Variants in IREB2 observed in about 807,000 individuals in gnomAD.
IREB2 encodes the protein iron-responsive element-binding protein 2.
IREB2 carries 39 observed loss-of-function variants against 118.8 expected under a neutral mutation model. That is an observed-to-expected ratio of 0.33 (90% confidence interval 0.25 to 0.43). IREB2 has a LOEUF of 0.43. Among genes scored for constraint, IREB2 ranks in the 20% least tolerant of loss-of-function variants. IREB2 has a pLI of 1.00. For synonymous variants in IREB2, 372 were observed against 392.2 expected, an observed-to-expected ratio of 0.95 and a Z score of 0.61; for missense variants, 900 against 1,147.3, an observed-to-expected ratio of 0.78 and a Z score of 3.11.
At chr15:78,438,011 G>A (rs977891750), upstream of IREB2, among the ~76,000 whole-genome samples, 3 of 152,228 alleles carry the variant, frequency 2.0e-5, no homozygotes, top group African/African-American at 7.2e-5. Context: ...GGCCAAACTA[G>A]CCACGCCAAC....
intron 5 of IREB2, among the ~76,000 whole-genome samples, chr15:78,469,580 G>A (rs1024176011): frequency 2.0e-5 from 3 of 151,984 alleles, no homozygotes; most frequent in Non-Finnish European, 4.4e-5. Flanking sequence ...AAAATTAGCC[G>A]GGTGTGGTGG....
At position 78,463,159 on chromosome 15, in the gene IREB2, G is replaced by A. The variant is rs866411883; in HGVS notation, c.272+72G>A. 9.2e-6 allele frequency: 12 copies of A among 1,309,064 alleles called. No homozygotes were observed. The Middle Eastern group carries it at 1.7e-3, about 190-fold the overall frequency. The allele number at this position is 1,309,064 out of a possible 1,614,324, so 81.1% of individuals were successfully genotyped here. ...TCCTTTTTAAAATACAGACTCTTGG[G>A]TAGGTGTGGTTGTTCATACCTCTAA... On this transcript the variant is annotated intron_variant, in intron 3 of 21. Coordinates refer to ENST00000258886, the MANE Select transcript of IREB2 (RefSeq NM_004136.4).
At chr15:78,486,013 T>C (rs1410647647) in intron 13 of IREB2, among the ~76,000 whole-genome samples, 173 bp downstream of exon 13, 4 of 152,214 alleles carry the variant, frequency 2.6e-5, no homozygotes, top group Admixed American at 6.5e-5. Context: ...GAAACACTTA[T>C]TGGGCATATC....
rs143224577 is a variant in IREB2, at chr15:78,452,992, T to C, written c.107-9930T>C. On this transcript the variant is annotated intron_variant, in intron 2 of 21. Transcript: ENST00000258886. ...CAGGTAACACCTGCACACACAGGTG[T>C]TGTGTTACTTACAGAAAAGGAACTG... is the stretch of plus-strand genomic sequence containing the variant. 3.9e-5 allele frequency among the ~76,000 whole-genome samples: 6 copies of C among 152,316 alleles called. No individual in the cohort carries two copies. The East Asian group carries it at 1.2e-3, about 29-fold the overall frequency.
At chr15:78,453,138 T>C (rs1317881681) in intron 2 of IREB2, among the ~76,000 whole-genome samples, 1 of 152,202 alleles carries the variant, frequency 6.6e-6, no homozygotes, top group African/African-American at 2.4e-5. Flanking sequence ...GAAAAAATAG[T>C]CTGGAACAAA....
chr15:78,465,294 G>A lies in IREB2; in HGVS notation c.316G>A (p.Val106Met). 1 of 1,613,056 alleles carries A rather than the reference G, an allele frequency of 6.2e-7. No homozygotes were observed. Among genetic ancestry groups the A allele is most frequent in the South Asian group, 1.1e-5 (1 of 90,872 alleles). ...GGATTTTGCTGCTATGAGGGAGGCA[G>A]TGAAAACTCTTGGAGGTGATCCTGA... ...MVDFAAMREAVKTLGGDPEKV... is the reference protein window; with the variant it reads ...MVDFAAMREAMKTLGGDPEKV... The change falls in exon 4 of 22, where the codon GTG (valine) becomes ATG (methionine). Residue 106 changes from valine to methionine, a missense_variant. Coordinates refer to ENST00000258886, the MANE Select transcript of IREB2 (RefSeq NM_004136.4).
intron 10 of IREB2, among the ~76,000 whole-genome samples, chr15:78,481,522 A>ATAT (rs2051571286): frequency 7.2e-6 from 1 of 137,988 alleles, no homozygotes; most frequent in Non-Finnish European, 1.5e-5. Context: ...CACCTCGCTA[A>ATAT]TTTTTTTTTT....
chr15:78,497,205 A>C lies in IREB2; in HGVS notation c.2675A>C (p.Gln892Pro). The C allele has an allele frequency of 6.2e-7, 1 of 1,613,884 alleles. No individual in the cohort carries two copies. The highest frequency in any genetic ancestry group is 8.5e-7 in the Non-Finnish European group (1 of 1,179,744). ...HLIGIGIAPL[Q>P]FLPGENADSL... ...ATTGGAATTGGCATAGCTCCACTTC[A>C]GTTCCTTCCAGGAGAAAATGCAGAT... Residue 892 changes from glutamine to proline, a missense_variant, in exon 21 of 22, where the codon CAG becomes CCG. Gln to Pro is a moderately conservative substitution (Grantham distance 76, BLOSUM62 -1). Coordinates refer to ENST00000258886, the MANE Select transcript of IREB2 (RefSeq NM_004136.4).
chr15:78,446,319 A>G (rs1054577880), intron 2 of IREB2, among the ~76,000 whole-genome samples: 24 of 152,294 alleles, frequency 1.6e-4, no homozygotes, highest in African/African-American at 5.1e-4. Context: ...CCATGTGCTC[A>G]CCAACCCTCC....
Position 78,498,954 on chromosome 15 carries a change from TC to T in IREB2, c.*813del. On this transcript the variant is annotated 3_prime_UTR_variant, in exon 22 of 22. Transcript: ENST00000258886. ...GCTCACCTTATGTAATACTGTAACT[TC>T]CTATAACCTAATATTTTCGGTATCA... 6.6e-6 allele frequency: 1 copy of T among 152,346 alleles called. No individual in the cohort carries two copies. The highest frequency in any genetic ancestry group is 1.5e-5 in the Non-Finnish European group (1 of 68,042). 9.4% of individuals were successfully genotyped at this position (152,346 alleles called of 1,614,324 possible).
intron 8 of IREB2, chr15:78,475,024 C>T (rs970559823): frequency 1.4e-5 from 2 of 144,628 alleles, no homozygotes; most frequent in East Asian, 2.0e-4. Flanking sequence ...CACTGCAGTC[C>T]GCAGTCCGGC....
chr15:78,442,836 G>A (rs1355293146), intron 2 of IREB2, among the ~76,000 whole-genome samples: 1 of 152,182 alleles, frequency 6.6e-6, no homozygotes, highest in Non-Finnish European at 1.5e-5. Flanking sequence ...GAAATAAGCT[G>A]TCATGGGAAT....
chr15:78,467,547 C>T (rs1232969296), intron 5 of IREB2, among the ~76,000 whole-genome samples: 1 of 151,992 alleles, frequency 6.6e-6, no homozygotes, highest in African/African-American at 2.4e-5. Flanking sequence ...CAAAATTAGC[C>T]AGGCATGGTG....
intron 2 of IREB2, among the ~76,000 whole-genome samples, chr15:78,441,128 TTAAA>T (rs2050837990): frequency 6.6e-6 from 1 of 152,360 alleles, no homozygotes; most frequent in Admixed American, 6.5e-5. Flanking sequence ...TTTGAGGAAT[TTAAA>T]TATTCTTGAC....
intron 18 of IREB2, among the ~76,000 whole-genome samples, chr15:78,491,618 C>G (rs1421712412): frequency 6.6e-6 from 1 of 152,162 alleles, no homozygotes; most frequent in Non-Finnish European, 1.5e-5. Flanking sequence ...CTACCTCAGC[C>G]TCCCAACTAG....
chr15:78,463,103 AT>A lies in IREB2; in HGVS notation c.272+22del. On this transcript the variant is annotated intron_variant, in intron 3 of 21. Transcript: ENST00000258886. ...AAGATTTTACGTGAGTAATGGGTTT[AT>A]TTTTTGTGAATGAACTCTTAGAGTG... 1 of 1,575,092 alleles carries A rather than the reference AT, an allele frequency of 6.3e-7. No homozygotes were observed. Among genetic ancestry groups the A allele is most frequent in the Non-Finnish European group, 8.6e-7 (1 of 1,162,876 alleles).
At position 78,499,698 on chromosome 15, in the gene IREB2, T is replaced by A. The variant is rs1273513249; in HGVS notation, c.*1555T>A. 2.6e-5 allele frequency: 4 copies of A among 152,240 alleles called. No individual in the cohort carries two copies. The highest frequency in any genetic ancestry group is 5.9e-5 in the Non-Finnish European group (4 of 68,048). The allele number at this position is 152,240 out of a possible 1,614,324, so 9.4% of individuals were successfully genotyped here. On this transcript the variant is annotated 3_prime_UTR_variant, in exon 22 of 22. Coordinates refer to ENST00000258886, the MANE Select transcript of IREB2 (RefSeq NM_004136.4). ...TCGACACTTTCAAATTATATTGTGT[T>A]CTTGATATATGCTGTATATTTATTT...
At chr15:78,444,922 G>A (rs1199085638) in intron 2 of IREB2, among the ~76,000 whole-genome samples, 1 of 152,066 alleles carries the variant, frequency 6.6e-6, no homozygotes, top group Non-Finnish European at 1.5e-5. Flanking sequence ...TTGCCTGTAT[G>A]AATGCATTGT....
intron 16 of IREB2, 86 bp downstream of exon 16, chr15:78,488,857 A>G: frequency 1.3e-6 from 1 of 751,724 alleles, no homozygotes; most frequent in Non-Finnish European, 2.0e-6. Flanking sequence ...AATAAAAATT[A>G]AAATTACATT....
Sources: gnomAD v4.1 joint callset for allele counts (sites outside exome capture counted in the v4.1 genomes callset) on GRCh38, gnomAD v4.1.1 for gene constraint, MANE v1.5 for transcripts, NCBI Gene and HGNC (gene_info 2026-07-23, HGNC 2026-07-21) for gene names.